Variants in IMMP2L observed in about 807,000 individuals in gnomAD.
IMMP2L encodes the protein mitochondrial inner membrane protease subunit 2.
Under a neutral mutation model 19.3 loss-of-function variants are expected in IMMP2L, and 18 were observed. The observed-to-expected ratio is 0.93, with a 90% CI of 0.64 to 1.38. The LOEUF is 1.38. IMMP2L is among the 40% of genes most tolerant of loss of function. IMMP2L has a pLI of 0.00. For missense variants in IMMP2L, 233 were observed against 218.2 expected, an observed-to-expected ratio of 1.07 and a Z score of -0.43; for synonymous variants, 76 against 73.0, an observed-to-expected ratio of 1.04 and a Z score of -0.21.
At chr7:111,167,864 AT>A (rs1806002999) in intron 3 of IMMP2L, among the ~76,000 whole-genome samples, 1 of 151,940 alleles carries the variant, frequency 6.6e-6, no homozygotes, top group Non-Finnish European at 1.5e-5. Context: ...TATTGGGTAT[AT>A]GCAATATGAA....
At chr7:110,754,615 A>G (rs1160246892) in intron 5 of IMMP2L, among the ~76,000 whole-genome samples, 1 of 152,062 alleles carries the variant, frequency 6.6e-6, no homozygotes, top group African/African-American at 2.4e-5. Context: ...TCTTGTTAGA[A>G]TTTTTTAAGT....
chr7:111,445,660 A>G (rs1838283316), intron 3 of IMMP2L, among the ~76,000 whole-genome samples: 1 of 152,108 alleles, frequency 6.6e-6, no homozygotes, highest in African/African-American at 2.4e-5. Context: ...AAAAGGGCGG[A>G]GATTGGGAAA....
intron 3 of IMMP2L, among the ~76,000 whole-genome samples, chr7:111,331,056 A>G (rs970360753): frequency 1.3e-5 from 2 of 151,912 alleles, no homozygotes; most frequent in Non-Finnish European, 2.9e-5. Flanking sequence ...TTAGCATATG[A>G]CCCAGCAATC....
chr7:111,489,987 G>A (rs1205490699), intron 2 of IMMP2L, among the ~76,000 whole-genome samples: 1 of 151,514 alleles, frequency 6.6e-6, no homozygotes, highest in African/African-American at 2.4e-5. Context: ...TAGTAGAGAC[G>A]GGGTTTCACC....
rs772192515 is a variant in IMMP2L, at chr7:110,766,581, TAA to T, written c.409-102862_409-102861del. ...CTGTGTGACAGTGTGAGACTTCATT[TAA>T]AAAAAAAAAAAAAAAAAAAAAAAGA... On this transcript the variant is annotated intron_variant, in intron 5 of 5. Coordinates refer to ENST00000405709, the MANE Select transcript of IMMP2L (RefSeq NM_032549.4). Among the ~76,000 whole-genome samples, 531 of 96,776 alleles carry T rather than the reference TAA, an allele frequency of 5.5e-3. 1 individual carries two copies. Among genetic ancestry groups the T allele is most frequent in the African/African-American group, 0.018 (439 of 24,946 alleles). The allele number at this position is 96,776 out of a possible 152,430, so 63.5% of individuals were successfully genotyped here. A position where few individuals can be genotyped will look rare whatever the true frequency, so the allele number is the denominator to read the frequency against.
chr7:110,837,187 T>C (rs1804572841), intron 5 of IMMP2L, among the ~76,000 whole-genome samples: 1 of 152,130 alleles, frequency 6.6e-6, no homozygotes, highest in African/African-American at 2.4e-5. Flanking sequence ...AGGAATGGAT[T>C]ACATCTACAG....
intron 5 of IMMP2L, among the ~76,000 whole-genome samples, chr7:110,837,769 T>G (rs570953416): frequency 6.6e-6 from 1 of 152,138 alleles, no homozygotes; most frequent in Non-Finnish European, 1.5e-5. Flanking sequence ...AAGGGTAATG[T>G]TTACTGAAAG....
intron 3 of IMMP2L, among the ~76,000 whole-genome samples, chr7:111,307,120 C>G (rs1822968789): frequency 6.6e-6 from 1 of 151,318 alleles, no homozygotes; most frequent in South Asian, 2.1e-4. Flanking sequence ...ATAAGCACCT[C>G]TATTATACAA....
chr7:111,443,632 G>A (rs1837974759), intron 3 of IMMP2L, among the ~76,000 whole-genome samples: 2 of 152,096 alleles, frequency 1.3e-5, no homozygotes, highest in East Asian at 1.9e-4. Flanking sequence ...AAATATCCCA[G>A]AAGGACTTCA....
chr7:111,526,973 T>C (rs913494274), intron 1 of IMMP2L, among the ~76,000 whole-genome samples: 8 of 152,140 alleles, frequency 5.3e-5, no homozygotes, highest in African/African-American at 1.7e-4. Flanking sequence ...TCACATTTCC[T>C]GAATTGTGAG....
At chr7:111,421,275 T>C (rs566512289) in intron 3 of IMMP2L, among the ~76,000 whole-genome samples, 3,039 of 121,978 alleles carry the variant, frequency 0.025, 191 homozygotes, top group African/African-American at 0.093. Flanking sequence ...TTCTTTTTTT[T>C]TTTTTTTTTT....
intron 5 of IMMP2L, among the ~76,000 whole-genome samples, chr7:110,848,327 T>C (rs1347670358): frequency 6.6e-6 from 1 of 152,046 alleles, no homozygotes; most frequent in Non-Finnish European, 1.5e-5. Flanking sequence ...TAATATAGCA[T>C]TTGGGAATTT....
intron 3 of IMMP2L, among the ~76,000 whole-genome samples, chr7:111,152,465 T>A (rs958689418): frequency 6.6e-5 from 10 of 152,304 alleles, no homozygotes; most frequent in Non-Finnish European, 1.3e-4. Context: ...TGCATTTGTT[T>A]ATTTCTCACA....
chr7:111,504,205 T>A (rs1844630457), intron 2 of IMMP2L, among the ~76,000 whole-genome samples: 1 of 152,026 alleles, frequency 6.6e-6, no homozygotes. Flanking sequence ...AAATCATGAG[T>A]GAACTACCAT....
chr7:111,450,108 T>C (rs918648786), intron 3 of IMMP2L, among the ~76,000 whole-genome samples: 9 of 151,752 alleles, frequency 5.9e-5, no homozygotes, highest in Non-Finnish European at 1.3e-4. Flanking sequence ...GTAGGAAGAA[T>C]CAATATTGTG....
intron 5 of IMMP2L, among the ~76,000 whole-genome samples, chr7:110,854,442 G>A (rs1479942714): frequency 2.6e-5 from 4 of 151,768 alleles, no homozygotes; most frequent in Non-Finnish European, 4.4e-5. Flanking sequence ...GTCTTTTAAA[G>A]TGTTCCACAT....
At chr7:110,730,590 T>C (rs561369439) in intron 5 of IMMP2L, among the ~76,000 whole-genome samples, 1 of 151,348 alleles carries the variant, frequency 6.6e-6, no homozygotes, top group Admixed American at 6.6e-5. Flanking sequence ...GTGCATGCCA[T>C]CTCGGCTCAC....
chr7:111,033,976 T>C (rs1280037455), intron 3 of IMMP2L, among the ~76,000 whole-genome samples: 2 of 152,086 alleles, frequency 1.3e-5, no homozygotes, highest in Non-Finnish European at 2.9e-5. Flanking sequence ...AGCACATCAG[T>C]AGTTGCCAGG....
At chr7:111,364,229 A>C (rs1829544471) in intron 3 of IMMP2L, among the ~76,000 whole-genome samples, 1 of 152,162 alleles carries the variant, frequency 6.6e-6, no homozygotes, top group African/African-American at 2.4e-5. Context: ...GTTAATCATA[A>C]GAATTGTAAT....
Sources: allele counts gnomAD v4.1 joint callset (sites outside exome capture counted in the v4.1 genomes callset), GRCh38; gene constraint gnomAD v4.1.1; transcripts MANE v1.5; gene names NCBI Gene and HGNC (gene_info 2026-07-23, HGNC 2026-07-21).